The following UNC80 variants were observed in gnomAD, a reference collection of about 807,000 sequenced individuals.
The protein encoded by UNC80 is unc-80 subunit of NALCN channel complex, also known as protein unc-80 homolog.
In UNC80, 164 loss-of-function variants were observed where a neutral mutation model predicts 384.6. That is an observed-to-expected ratio of 0.43 (90% CI 0.38 to 0.49). The LOEUF (loss-of-function observed/expected upper bound fraction) is 0.49, where lower values mean the gene tolerates loss of function less well. Among genes scored for constraint, UNC80 ranks in the 20% least tolerant of loss-of-function variants. The pLI is 0.00. For missense variants in UNC80, 3,330 were observed against 4,143.0 expected, an observed-to-expected ratio of 0.80 and a Z score of 5.39; for synonymous variants, 1,486 against 1,527.8, an observed-to-expected ratio of 0.97 and a Z score of 0.64.
At chr2:209,962,710 A>G (rs1037845614) in intron 51 of UNC80, among the ~76,000 whole-genome samples, 3 of 152,200 alleles carry the variant, frequency 2.0e-5, no homozygotes, top group Non-Finnish European at 2.9e-5. Flanking sequence ...TGAAAAAGAC[A>G]GGCCTGCCAT....
chr2:209,822,899 C>G (rs2080243003), intron 13 of UNC80, among the ~76,000 whole-genome samples: 1 of 151,986 alleles, frequency 6.6e-6, no homozygotes, highest in Non-Finnish European at 1.5e-5. Flanking sequence ...AATACAGCCA[C>G]CAAGATAGAT....
intron 61 of UNC80, among the ~76,000 whole-genome samples, chr2:209,985,517 C>A (rs1229184751): frequency 6.6e-6 from 1 of 152,194 alleles, no homozygotes; most frequent in Non-Finnish European, 1.5e-5. Context: ...GACTCCAAAA[C>A]TTGCATGAAA....
At chr2:209,890,865 A>G (rs2086263074) in intron 26 of UNC80, among the ~76,000 whole-genome samples, 1 of 152,250 alleles carries the variant, frequency 6.6e-6, no homozygotes, top group Admixed American at 6.5e-5. Context: ...GAAAATCCTA[A>G]TTATGAACTA....
Position 209,907,883 on chromosome 2 carries a change from C to T in UNC80, c.4782+2918C>T, listed in dbSNP as rs765223670. On this transcript the variant is annotated intron_variant, in intron 29 of 64. Coordinates refer to ENST00000673920, the MANE Select transcript of UNC80 (RefSeq NM_001371986.1). ...TGCCCTCCACTCTGCCTCAACCAGG[C>T]CCCTGGCCTGAAGCAGTAGAAAAAG... Among the ~76,000 whole-genome samples the T allele has an allele frequency of 1.4e-4, 22 of 152,338 alleles. 1 individual carries two copies. Among genetic ancestry groups the T allele is most frequent in the African/African-American group, 5.3e-4 (22 of 41,574 alleles).
intron 49 of UNC80, among the ~76,000 whole-genome samples, chr2:209,958,294 CA>C (rs2092478160): frequency 6.6e-6 from 1 of 152,098 alleles, no homozygotes; most frequent in African/African-American, 2.4e-5. Context: ...AATATTCCGA[CA>C]TACACAAAAA....
chr2:209,933,850 C>T lies in UNC80; in HGVS notation c.6023C>T (p.Thr2008Ile). The T allele has an allele frequency of 6.4e-7, 1 of 1,551,026 alleles. No homozygotes were observed. Among genetic ancestry groups the T allele is most frequent in the Non-Finnish European group, 8.7e-7 (1 of 1,146,660 alleles). Residue 2008 changes from threonine (T) to isoleucine (I), a missense_variant, in exon 39 of 65, where the codon ACC becomes ATC. This residue lies in a region of UNC80 where 1,049 missense variants were observed against 1,488.6 expected (regional missense o/e 0.70). Coordinates refer to ENST00000673920, the MANE Select transcript of UNC80 (RefSeq NM_001371986.1). ...GGATTAATCATGTACTTTGTGCGGA[C>T]CCCCTGCGAGTGGGGGATGGATGCC... ...LVGLIMYFVR[T>I]PCEWGMDAIS...
At chr2:209,817,150 G>T (rs1249113930) in intron 10 of UNC80, 25 bp downstream of exon 10, 6 of 1,547,024 alleles carry the variant, frequency 3.9e-6, no homozygotes, top group Non-Finnish European at 5.2e-6. Context: ...TTCCAAAATA[G>T]GGCAGAGTTT....
intron 35 of UNC80, among the ~76,000 whole-genome samples, chr2:209,922,911 T>C (rs1299629796): frequency 6.6e-6 from 1 of 152,232 alleles, no homozygotes. Flanking sequence ...GGAGCATCTT[T>C]TCATATGCTT....
intron 7 of UNC80, among the ~76,000 whole-genome samples, chr2:209,810,940 T>TG (rs1574544446): frequency 6.7e-6 from 1 of 149,604 alleles, no homozygotes; most frequent in South Asian, 2.2e-4. Context: ...GATTACAGCA[T>TG]GGGGGTGGGG....
Position 209,877,989 on chromosome 2 carries a change from G to A in UNC80, c.3876G>A (p.Gly1292=). The A allele has an allele frequency of 6.5e-7, 1 of 1,541,748 alleles. No homozygotes were observed. The highest frequency in any genetic ancestry group is 8.8e-7 in the Non-Finnish European group (1 of 1,142,230). Residue 1292 remains glycine (G), a synonymous_variant, in exon 24 of 65, where the codon GGG becomes GGA. Coordinates refer to ENST00000673920, the MANE Select transcript of UNC80 (RefSeq NM_001371986.1). ...TCCGATTGAATGAGCTGTGCCACGG[G>A]GAAAGTGAGAGCCCAGCCAACCTGC... is the stretch of plus-strand genomic sequence containing the variant. ...IGVRLNELCH[G]ESESPANLLG... is the part of the protein sequence containing the mutation.
chr2:209,972,955 G>T, intron 55 of UNC80, 109 bp from the exon 56 acceptor site: 2 of 918,890 alleles, frequency 2.2e-6, no homozygotes, highest in Non-Finnish European at 3.3e-6. Flanking sequence ...AATTTCTAGG[G>T]TGTTGTAGTT....
intron 40 of UNC80, among the ~76,000 whole-genome samples, chr2:209,936,178 A>G (rs2091232329): frequency 1.3e-5 from 2 of 152,158 alleles, no homozygotes; most frequent in South Asian, 4.1e-4. Flanking sequence ...AGAATTTCTA[A>G]GGCCCAACTT....
At chr2:209,951,298 T>TC (rs201798936) in intron 47 of UNC80, among the ~76,000 whole-genome samples, 1 of 150,904 alleles carries the variant, frequency 6.6e-6, no homozygotes, top group African/African-American at 2.4e-5. Context: ...CCTTTTTTTT[T>TC]CTCTCTCTCT....
At chr2:209,890,480 A>G (rs2086226585) in intron 26 of UNC80, among the ~76,000 whole-genome samples, 1 of 152,152 alleles carries the variant, frequency 6.6e-6, no homozygotes. Context: ...GGTGCTTTAC[A>G]TTTTCACACA....
intron 7 of UNC80, among the ~76,000 whole-genome samples, chr2:209,812,169 C>A (rs2079402149): frequency 6.6e-6 from 1 of 152,034 alleles, no homozygotes; most frequent in Admixed American, 6.6e-5. Context: ...CCTGCCTCAG[C>A]CTCCGGAGTA....
rs113573100 is a variant in UNC80 at position 209,793,227 on chromosome 2, A to G, written c.799-493A>G. On this transcript the variant is annotated intron_variant, in intron 6 of 64. Coordinates refer to ENST00000673920, the MANE Select transcript of UNC80 (RefSeq NM_001371986.1). ...TGAATGTGTACTTATAAATCAGAAT[A>G]AAGGTCATTGTGTCCGATTAGAAAA... Among the ~76,000 whole-genome samples, 1,128 of 152,352 alleles carry G rather than the reference A, an allele frequency of 7.4e-3. 6 individuals are homozygous for G. Among genetic ancestry groups the G allele is most frequent in the Non-Finnish European group, 0.012 (825 of 68,032 alleles).
intron 22 of UNC80, among the ~76,000 whole-genome samples, chr2:209,861,721 G>A (rs1054399371): frequency 7.2e-5 from 11 of 152,082 alleles, no homozygotes; most frequent in Admixed American, 3.3e-4. Flanking sequence ...ACTTGTTATC[G>A]TTCTATACAG....
intron 29 of UNC80, among the ~76,000 whole-genome samples, chr2:209,905,682 T>TA (rs1479470752): frequency 6.6e-6 from 1 of 152,206 alleles, no homozygotes; most frequent in Non-Finnish European, 1.5e-5. Context: ...AACTATGTAC[T>TA]AAAAAATATG....
chr2:209,908,825 T>C (rs2088580643), intron 29 of UNC80, among the ~76,000 whole-genome samples: 1 of 152,204 alleles, frequency 6.6e-6, no homozygotes, highest in Admixed American at 6.5e-5. Context: ...ACATAATTCA[T>C]GTGTTAAAGC....
Sources: allele counts gnomAD v4.1 joint callset (sites outside exome capture counted in the v4.1 genomes callset), GRCh38; gene constraint gnomAD v4.1.1; regional missense constraint gnomAD v4.1.1; transcripts MANE v1.5; gene names NCBI Gene and HGNC (gene_info 2026-07-23, HGNC 2026-07-21).